FRMD6: variants seen among roughly 807,000 people sequenced by gnomAD.
FRMD6 encodes the protein FERM domain-containing protein 6.
In FRMD6, 37 loss-of-function variants were observed where a neutral mutation model predicts 73.2. The ratio of observed to expected loss-of-function variants is 0.51; its 90% CI spans 0.39 to 0.66. The LOEUF (loss-of-function observed/expected upper bound fraction) is 0.66. Ranked by LOEUF, FRMD6 falls within the 30% of genes least tolerant of loss-of-function variation. The pLI is 0.00. For missense variants in FRMD6, 714 were observed against 780.5 expected (o/e 0.91, Z 1.02); for synonymous variants, 273 against 282.2 (o/e 0.97, Z 0.33).
chr14:51,504,087 A>C (rs1883794186), intron 1 of FRMD6, among the ~76,000 whole-genome samples: 2 of 151,764 alleles, frequency 1.3e-5, no homozygotes, highest in African/African-American at 4.8e-5. Flanking sequence ...CCCCCTTACC[A>C]TTTCTGATTG....
chr14:51,658,495 A>G (rs113706477), intron 1 of FRMD6, among the ~76,000 whole-genome samples: 27 of 152,276 alleles, frequency 1.8e-4, no homozygotes, highest in African/African-American at 3.6e-4. Context: ...GGAATAATTC[A>G]TCCTTAAGAA....
At chr14:51,422,674 A>G in the FRMD6 span, among the ~76,000 whole-genome samples, 1 of 152,204 alleles carries the variant, frequency 6.6e-6, no homozygotes, top group East Asian at 1.9e-4. Context: ...CTCTTTTCAT[A>G]TTTTGGAAAC....
intron 4 of FRMD6, among the ~76,000 whole-genome samples, chr14:51,701,846 A>T (rs2140450088): frequency 6.6e-6 from 1 of 151,974 alleles, no homozygotes; most frequent in South Asian, 2.1e-4. Flanking sequence ...ACTAATTTTT[A>T]AATCTACTTT....
chr14:51,541,234 G>T (rs1291980965), intron 1 of FRMD6, among the ~76,000 whole-genome samples: 10 of 152,052 alleles, frequency 6.6e-5, no homozygotes, highest in Admixed American at 6.6e-4. Flanking sequence ...TTTGCAAATT[G>T]TTACAACCTA....
At position 51,656,696 on chromosome 14, in the gene FRMD6, G is replaced by A. The variant is rs116633554; in HGVS notation, c.-147+4700G>A. On this transcript the variant is annotated intron_variant, in intron 1 of 13. Transcript: ENST00000344768. ...CAAAGTGCTGAGATCACAGGCTTGA[G>A]CCACCGCGCCCGGCTAGCATGGCAT... Among the ~76,000 whole-genome samples, 422 of 152,262 alleles carry A rather than the reference G, an allele frequency of 2.8e-3. 1 individual carries two copies. Among genetic ancestry groups the A allele is most frequent in the African/African-American group, 9.4e-3 (391 of 41,546 alleles).
the FRMD6 span, among the ~76,000 whole-genome samples, chr14:51,413,562 A>T: frequency 2.3e-4 from 35 of 152,258 alleles, 1 homozygote; most frequent in East Asian, 6.2e-3. Flanking sequence ...TCTATCATTG[A>T]TGGACATTTG....
At chr14:51,623,551 C>T (rs542740319) in intron 2 of FRMD6, among the ~76,000 whole-genome samples, 4 of 152,312 alleles carry the variant, frequency 2.6e-5, no homozygotes, top group Admixed American at 6.5e-5. Flanking sequence ...TTTGGACATG[C>T]TGTTTCTCCA....
intron 2 of FRMD6, among the ~76,000 whole-genome samples, chr14:51,631,223 C>G (rs531873777): frequency 6.6e-6 from 1 of 152,304 alleles, no homozygotes; most frequent in Middle Eastern, 3.4e-3. Flanking sequence ...CACCCACCAC[C>G]ACCTGGTATC....
the FRMD6 span, among the ~76,000 whole-genome samples, chr14:51,471,501 G>GAA: frequency 0.028 from 3,392 of 119,526 alleles, 114 homozygotes; most frequent in East Asian, 0.086. Flanking sequence ...ACTCCGTCTC[G>GAA]AAAAAAAAAA....
intron 1 of FRMD6, among the ~76,000 whole-genome samples, chr14:51,531,759 T>C (rs1885597502): frequency 6.6e-6 from 1 of 152,260 alleles, no homozygotes; most frequent in Non-Finnish European, 1.5e-5. Flanking sequence ...TTTGCTGTTT[T>C]ACTTTTGCTT....
the FRMD6 span, among the ~76,000 whole-genome samples, chr14:51,404,812 G>A: frequency 6.6e-6 from 1 of 152,072 alleles, no homozygotes; most frequent in Non-Finnish European, 1.5e-5. Context: ...AGTACATGCA[G>A]GTTTGTTATG....
intron 2 of FRMD6, among the ~76,000 whole-genome samples, chr14:51,589,706 A>G (rs942662051): frequency 6.6e-6 from 1 of 151,972 alleles, no homozygotes; most frequent in African/African-American, 2.4e-5. Context: ...AACTGTGTCC[A>G]TGACCATGGT....
Position 51,701,036 on chromosome 14 carries a change from T to C in FRMD6, c.191-20T>C. The C allele has an allele frequency of 3.3e-6, 4 of 1,209,116 alleles. No individual in the cohort carries two copies. Among genetic ancestry groups the C allele is most frequent in the Non-Finnish European group, 3.4e-6 (3 of 874,814 alleles). 74.9% of individuals were successfully genotyped at this position (1,209,116 alleles called of 1,614,324 possible). ...AAAATCCTTTCTTTAGCATGTCGTC[T>C]CCTTTTTTTTAATGTACAGATAATG... On this transcript the variant is annotated intron_variant, in intron 3 of 13. Coordinates refer to ENST00000344768, the MANE Select transcript of FRMD6 (RefSeq NM_001267046.2).
chr14:51,590,815 T>C (rs866461001), intron 2 of FRMD6, among the ~76,000 whole-genome samples: 1 of 152,234 alleles, frequency 6.6e-6, no homozygotes, highest in Non-Finnish European at 1.5e-5. Flanking sequence ...ATAATTTAAC[T>C]GGTTGGAAGG....
At chr14:51,654,055 T>G (rs1193242874) in intron 1 of FRMD6, among the ~76,000 whole-genome samples, 1 of 152,112 alleles carries the variant, frequency 6.6e-6, no homozygotes. Flanking sequence ...TCAAGACATT[T>G]TAAGGGGCAG....
At chr14:51,427,169 C>T in the FRMD6 span, among the ~76,000 whole-genome samples, 8 of 152,282 alleles carry the variant, frequency 5.3e-5, no homozygotes, top group East Asian at 1.9e-4. Flanking sequence ...GGTGGAAAAT[C>T]GGTTTATCTC....
Position 51,715,451 on chromosome 14 carries a change from A to C in FRMD6, c.976A>C (p.Asn326His), listed in dbSNP as rs752834224. Residue 326 changes from asparagine to histidine, a missense_variant, in exon 10 of 14, where the codon AAT becomes CAT. By Grantham distance (68) the Asn-to-His change is moderately conservative. Coordinates refer to ENST00000344768, the MANE Select transcript of FRMD6 (RefSeq NM_001267046.2). ...GAGCAACAGCCACCGCCTCTATATG[A>C]ATCTGCAGCCTGTCCTGCGCCATAT... ...LLSNSHRLYM[N>H]LQPVLRHIRK... The C allele has an allele frequency of 6.2e-7, 1 of 1,613,670 alleles. No individual in the cohort carries two copies. The highest frequency in any genetic ancestry group is 8.5e-7 in the Non-Finnish European group (1 of 1,179,838).
intron 3 of FRMD6, among the ~76,000 whole-genome samples, chr14:51,700,686 G>T (rs571311998): frequency 3.9e-5 from 6 of 151,938 alleles, no homozygotes; most frequent in Non-Finnish European, 5.9e-5. Flanking sequence ...ATAAGAGCAG[G>T]CTTCTTTGAG....
At chr14:51,624,442 G>T (rs1195605217) in intron 2 of FRMD6, among the ~76,000 whole-genome samples, 1 of 152,106 alleles carries the variant, frequency 6.6e-6, no homozygotes, top group Non-Finnish European at 1.5e-5. Flanking sequence ...AGATTCCAAG[G>T]GTCTGGGCAA....
Sources: allele counts gnomAD v4.1 joint callset (sites outside exome capture counted in the v4.1 genomes callset), GRCh38; gene constraint gnomAD v4.1.1; transcripts MANE v1.5; gene names NCBI Gene and HGNC (gene_info 2026-07-23, HGNC 2026-07-21).